WIPI2: variants seen among roughly 807,000 people sequenced by gnomAD.
The protein encoded by WIPI2 is WD repeat domain, phosphoinositide interacting 2, also known as WD repeat domain phosphoinositide-interacting protein 2.
A neutral mutation model predicts 52.3 loss-of-function variants in WIPI2; 28 were observed. The ratio of observed to expected loss-of-function variants is 0.54; its 90% CI spans 0.40 to 0.73. The LOEUF (loss-of-function observed/expected upper bound fraction) is 0.73. Ranked by LOEUF, WIPI2 falls within the 30% of genes least tolerant of loss-of-function variation. WIPI2 has a pLI of 0.00. For missense variants in WIPI2, 506 were observed against 602.9 expected (o/e 0.84, Z 1.68); for synonymous variants, 268 against 245.0 (o/e 1.09, Z -0.88).
chr7:5,217,757 A>G (rs1035086650), intron 6 of WIPI2, 165 bp from the exon 7 acceptor site: 2 of 696,712 alleles, frequency 2.9e-6, no homozygotes, highest in African/African-American at 3.6e-5. Context: ...TTGGAGCAGC[A>G]TTTCCTTGGA....
intron 2 of WIPI2, chr7:5,193,452 AG>A: frequency 2.5e-6 from 2 of 797,110 alleles, no homozygotes; most frequent in East Asian, 6.5e-5. Context: ...GATGTTATGA[AG>A]TGTGTGGAGA....
At chr7:5,190,644 G>A in intron 1 of WIPI2, 151 bp downstream of exon 1, 1 of 733,634 alleles carries the variant, frequency 1.4e-6, no homozygotes, top group South Asian at 3.8e-5. Flanking sequence ...CGGGCCCGGG[G>A]CGTGCAGGGA....
rs963726187 is a variant in WIPI2, at chr7:5,227,575, C to T, written c.1013+231C>T. Among the ~76,000 whole-genome samples, 25 of 152,328 alleles carry T rather than the reference C, an allele frequency of 1.6e-4. No homozygotes were observed. The highest frequency in any genetic ancestry group is 5.5e-4 in the African/African-American group (23 of 41,582). On this transcript the variant is annotated intron_variant, in intron 10 of 12. Transcript: ENST00000288828. The surrounding 1 kb of genome is among the most constrained non-coding windows in gnomAD (Gnocchi z 8.1). ...CCGTTCTGTTTTTGTGGATAGTCTG[C>T]GGTATTAATGAAAGACGTTAAGTCA...
At chr7:5,229,811 C>A in intron 12 of WIPI2, 73 bp downstream of exon 12, 1 of 1,578,784 alleles carries the variant, frequency 6.3e-7, no homozygotes, top group Non-Finnish European at 8.6e-7. Context: ...CTGCTGGCTC[C>A]GGAGCCACCC....
Position 5,193,117 on chromosome 7 carries a change from G to C in WIPI2, c.75-1G>C. 2 of 1,613,674 alleles carry C rather than the reference G, an allele frequency of 1.2e-6. No individual in the cohort carries two copies. The highest frequency in any genetic ancestry group is 2.2e-5 in the East Asian group (1 of 44,872). ...TTGTTTTGTTTTGTTTTTTTACCTA[G>C]AGAAGTGAAAGGGGCATCAAGAGCA... On this transcript the variant is annotated splice_acceptor_variant, in intron 1 of 12. Coordinates refer to ENST00000288828, the MANE Select transcript of WIPI2 (RefSeq NM_015610.4). LOFTEE classifies it high-confidence loss of function.
chr7:5,233,740 GTGT>G lies in WIPI2; in HGVS notation c.*2797_*2799del, dbSNP rs1473005414. ...CCCTACCTCACAGGGCTGTTGTGAG[GTGT>G]TGTGTGACTGCGTGTCCTGCAAACG... On this transcript the variant is annotated 3_prime_UTR_variant, in exon 13 of 13. Coordinates refer to ENST00000288828, the MANE Select transcript of WIPI2 (RefSeq NM_015610.4). 2 of 152,252 alleles carry G rather than the reference GTGT, an allele frequency of 1.3e-5. No individual in the cohort carries two copies. Among genetic ancestry groups the G allele is most frequent in the African/African-American group, 4.8e-5 (2 of 41,462 alleles). The allele number at this position is 152,252 out of a possible 1,614,324, so 9.4% of individuals were successfully genotyped here.
intron 8 of WIPI2, 105 bp from the exon 9 acceptor site, chr7:5,225,718 A>G: frequency 1.4e-6 from 1 of 715,004 alleles, no homozygotes; most frequent in Middle Eastern, 3.3e-4. Flanking sequence ...ACTTACCAGC[A>G]GGCCCAAGTG....
At chr7:5,192,283 C>G (rs749164748) in intron 1 of WIPI2, among the ~76,000 whole-genome samples, 6 of 152,124 alleles carry the variant, frequency 3.9e-5, no homozygotes, top group Admixed American at 6.6e-5. Flanking sequence ...TTTTTAAGCC[C>G]AAGGCCACAG....
At chr7:5,212,912 A>C (rs775054214) in intron 3 of WIPI2, among the ~76,000 whole-genome samples, 5 of 152,164 alleles carry the variant, frequency 3.3e-5, no homozygotes, top group Non-Finnish European at 7.4e-5. Context: ...CTGGTCAGAG[A>C]ACCAGGGTCT....
At chr7:5,223,852 C>A (rs113706273) in intron 8 of WIPI2, among the ~76,000 whole-genome samples, 1 of 152,232 alleles carries the variant, frequency 6.6e-6, no homozygotes, top group Non-Finnish European at 1.5e-5. Context: ...GCCCTGCATC[C>A]TTCCGCCTGA....
At chr7:5,223,725 C>G (rs769641665) in intron 8 of WIPI2, among the ~76,000 whole-genome samples, 4 of 152,196 alleles carry the variant, frequency 2.6e-5, no homozygotes, top group Non-Finnish European at 5.9e-5. Context: ...GCACTGGGCA[C>G]CTCAAGCCAC....
At chr7:5,224,562 G>A (rs1176863423) in intron 8 of WIPI2, among the ~76,000 whole-genome samples, 1 of 152,188 alleles carries the variant, frequency 6.6e-6, no homozygotes, top group African/African-American at 2.4e-5. Flanking sequence ...AGGGAGCAGA[G>A]TTTTTAAGGA....
rs1233806509 is a variant in WIPI2 at position 5,228,324 on chromosome 7, T to C, written c.1121+113T>C. On this transcript the variant is annotated intron_variant, in intron 11 of 12. Transcript: ENST00000288828. ...CAAACCAGTGACATAGAGGGGCAGA[T>C]TCCAGCACAGCGGCCCATGCCGCGC... 5.9e-6 allele frequency: 6 copies of C among 1,015,342 alleles called. No individual in the cohort carries two copies. In the Admixed American group the frequency reaches 8.9e-5, roughly 15 times the overall value. The allele number at this position is 1,015,342 out of a possible 1,614,324, so 62.9% of individuals were successfully genotyped here.
At chr7:5,205,257 C>T (rs961473300) in intron 3 of WIPI2, among the ~76,000 whole-genome samples, 3 of 151,912 alleles carry the variant, frequency 2.0e-5, no homozygotes, top group Middle Eastern at 3.4e-3. Flanking sequence ...ATTACAGGCG[C>T]GAGCCACTGC....
chr7:5,205,774 C>T (rs370207409), intron 3 of WIPI2, among the ~76,000 whole-genome samples: 1 of 152,064 alleles, frequency 6.6e-6, no homozygotes, highest in Middle Eastern at 3.2e-3. Flanking sequence ...TCCCAAAGTG[C>T]TGGGATTATA....
chr7:5,222,792 G>T, intron 8 of WIPI2, 120 bp downstream of exon 8: 2 of 994,070 alleles, frequency 2.0e-6, no homozygotes, highest in Non-Finnish European at 3.1e-6. Flanking sequence ...TTTCTAGCCC[G>T]GCTGGGTCAC....
chr7:5,216,440 T>G, intron 4 of WIPI2, 123 bp from the exon 5 acceptor site: 1 of 779,732 alleles, frequency 1.3e-6, no homozygotes, highest in Non-Finnish European at 2.1e-6. Flanking sequence ...TCCAAAAAAA[T>G]AAAATACAAT....
intron 7 of WIPI2, among the ~76,000 whole-genome samples, chr7:5,221,870 G>A (rs930685183): frequency 6.6e-6 from 1 of 152,086 alleles, no homozygotes; most frequent in African/African-American, 2.4e-5. Flanking sequence ...ATTTAAAGTG[G>A]CAGGAAAGAC....
chr7:5,211,903 G>A (rs1241853203), intron 3 of WIPI2, among the ~76,000 whole-genome samples: 1 of 152,162 alleles, frequency 6.6e-6, no homozygotes, highest in Non-Finnish European at 1.5e-5. Flanking sequence ...AGGTTGCAGT[G>A]CCGCACACAC....
Sources: allele counts gnomAD v4.1 joint callset (sites outside exome capture counted in the v4.1 genomes callset), GRCh38; gene constraint gnomAD v4.1.1; non-coding constraint Gnocchi (gnomAD v3.1); transcripts MANE v1.5; gene names NCBI Gene and HGNC (gene_info 2026-07-23, HGNC 2026-07-21).